FOXN2: variants seen among roughly 807,000 people sequenced by gnomAD.
The protein encoded by FOXN2 is forkhead box protein N2.
Under a neutral mutation model 41.2 loss-of-function variants are expected in FOXN2, and 19 were observed. That is an observed-to-expected ratio of 0.46 (90% CI 0.32 to 0.68). The LOEUF (loss-of-function observed/expected upper bound fraction) is 0.68. Ranked by LOEUF, FOXN2 falls within the 30% of genes least tolerant of loss-of-function variation. The pLI is 0.03. For missense variants in FOXN2, 587 were observed against 509.4 expected (o/e 1.15, Z -1.47); for synonymous variants, 195 against 176.8 (o/e 1.10, Z -0.82).
chr2:48,373,552 T>G (rs7587385), intron 6 of FOXN2, among the ~76,000 whole-genome samples, 192 bp downstream of exon 6: 50,306 of 151,706 alleles, frequency 0.33, 8,453 homozygotes, highest in East Asian at 0.46. Context: ...AGTTAATGCT[T>G]CGATTTTTCT....
intron 4 of FOXN2, among the ~76,000 whole-genome samples, chr2:48,361,098 G>A (rs972669794): frequency 2.0e-5 from 3 of 151,558 alleles, no homozygotes; most frequent in South Asian, 2.1e-4. Context: ...TTGATATATT[G>A]TATTTTCATG....
chr2:48,359,131 T>G lies in FOXN2; in HGVS notation c.622T>G (p.Ser208Ala). The G allele has an allele frequency of 6.2e-7, 1 of 1,613,238 alleles. No individual in the cohort carries two copies. The highest frequency in any genetic ancestry group is 8.5e-7 in the Non-Finnish European group (1 of 1,179,316). The change falls in exon 4 of 7, where the codon TCA becomes GCA. Residue 208 changes from serine to alanine, a missense_variant. By Grantham distance (99) the Ser-to-Ala change is moderately conservative. Coordinates refer to ENST00000340553, the MANE Select transcript of FOXN2 (RefSeq NM_002158.4). ...GGCACTGAAGAAGCAACCTTTTTCT[T>G]CAGCATCTTCACAAAAGTAAGGATC... ...IQALKKQPFSSASSQNGSLSP... is the reference protein window; with the variant it reads ...IQALKKQPFSAASSQNGSLSP...
At chr2:48,316,039 G>C (rs1279656913) in intron 1 of FOXN2, among the ~76,000 whole-genome samples, 2 of 152,092 alleles carry the variant, frequency 1.3e-5, no homozygotes. Context: ...GGCCGGCTGA[G>C]TGTAATAGAG....
At chr2:48,368,251 C>G (rs1168153303) in intron 5 of FOXN2, among the ~76,000 whole-genome samples, 1 of 145,820 alleles carries the variant, frequency 6.9e-6, no homozygotes, top group African/African-American at 2.5e-5. Flanking sequence ...GATAATACAG[C>G]TAATAGTGTT....
At chr2:48,316,086 A>G (rs906990235) in intron 1 of FOXN2, among the ~76,000 whole-genome samples, 2 of 151,808 alleles carry the variant, frequency 1.3e-5, no homozygotes, top group East Asian at 3.9e-4. Context: ...TTTCTCTGGT[A>G]GCCAGGGGCT....
At chr2:48,371,523 A>G (rs1429239823) in intron 5 of FOXN2, among the ~76,000 whole-genome samples, 2 of 151,974 alleles carry the variant, frequency 1.3e-5, no homozygotes, top group South Asian at 4.1e-4. Context: ...TTTGTAGTAT[A>G]TTTTGAGGTC....
At chr2:48,329,220 G>A (rs946166317) in intron 2 of FOXN2, among the ~76,000 whole-genome samples, 4 of 152,156 alleles carry the variant, frequency 2.6e-5, no homozygotes, top group African/African-American at 9.7e-5. Flanking sequence ...TGTAGAGGAA[G>A]TCTATACACT....
At chr2:48,339,795 T>A (rs1476499048) in intron 2 of FOXN2, among the ~76,000 whole-genome samples, 1 of 152,192 alleles carries the variant, frequency 6.6e-6, no homozygotes, top group Non-Finnish European at 1.5e-5. Context: ...AAGAGAAATT[T>A]CTGACACTTG....
rs1390723637 is a variant in FOXN2, at chr2:48,379,109, A to G, written c.*3666A>G. The G allele has an allele frequency of 6.6e-6, 1 of 152,646 alleles. No individual in the cohort carries two copies. The highest frequency in any genetic ancestry group is 1.5e-5 in the Non-Finnish European group (1 of 68,020). The allele number at this position is 152,646 out of a possible 1,614,324, so 9.5% of individuals were successfully genotyped here. On this transcript the variant is annotated 3_prime_UTR_variant, in exon 7 of 7. Transcript: ENST00000340553. ...CCCGGTTTGAGTTATAACTGCCAGT[A>G]GATGACCAGTCACAAGTGAACCACT...
At chr2:48,335,800 G>C (rs1670301794) in intron 2 of FOXN2, among the ~76,000 whole-genome samples, 1 of 151,958 alleles carries the variant, frequency 6.6e-6, no homozygotes, top group South Asian at 2.1e-4. Context: ...GGCTGAGGCA[G>C]GCGGATCATG....
chr2:48,351,734 A>G (rs1267453489), intron 3 of FOXN2, among the ~76,000 whole-genome samples: 2 of 152,094 alleles, frequency 1.3e-5, no homozygotes, highest in Non-Finnish European at 2.9e-5. Context: ...ATGCTTCTCA[A>G]CTTCCACTCT....
chr2:48,373,466 T>C (rs1334285741), intron 6 of FOXN2, 106 bp downstream of exon 6: 2 of 670,714 alleles, frequency 3.0e-6, no homozygotes, highest in Non-Finnish European at 5.2e-6. Context: ...TCCAACCAAA[T>C]TGTATTTTGA....
intron 1 of FOXN2, among the ~76,000 whole-genome samples, chr2:48,315,499 A>G (rs1274177433): frequency 6.6e-6 from 1 of 152,132 alleles, no homozygotes; most frequent in African/African-American, 2.4e-5. Context: ...CAGCGCTGCA[A>G]TATGGACACT....
At chr2:48,372,650 G>T (rs1219066500) in intron 5 of FOXN2, among the ~76,000 whole-genome samples, 3 of 152,006 alleles carry the variant, frequency 2.0e-5, no homozygotes, top group Admixed American at 6.6e-5. Flanking sequence ...TGCTGATTTT[G>T]CCAGTCTTTT....
At chr2:48,356,111 AAGAC>A (rs1442275411) in intron 3 of FOXN2, among the ~76,000 whole-genome samples, 4 of 151,790 alleles carry the variant, frequency 2.6e-5, no homozygotes, top group Non-Finnish European at 5.9e-5. Context: ...ATGACAGAGC[AAGAC>A]TCTGTCTCCA....
At chr2:48,374,261 AGAG>A (rs1673091913) in intron 6 of FOXN2, among the ~76,000 whole-genome samples, 1 of 152,282 alleles carries the variant, frequency 6.6e-6, no homozygotes, top group Admixed American at 6.5e-5. Flanking sequence ...GGATCTTAGA[AGAG>A]GAAATATATG....
rs902569008 is a variant in FOXN2 at position 48,321,393 on chromosome 2, G to A, written c.-157+6579G>A. 6.6e-5 allele frequency among the ~76,000 whole-genome samples: 10 copies of A among 152,146 alleles called. No homozygotes were observed. In the East Asian group the frequency reaches 1.2e-3, roughly 18 times the overall value. On this transcript the variant is annotated intron_variant, in intron 1 of 6. Transcript: ENST00000340553. The stretch of plus-strand genomic sequence containing the variant: ...ACTAAAAATACAAAAAAAATTAGGC[G>A]GGCGTGGTGGCGAGTGCCTGTAGTC...
At chr2:48,372,622 T>A (rs1672977734) in intron 5 of FOXN2, among the ~76,000 whole-genome samples, 2 of 152,140 alleles carry the variant, frequency 1.3e-5, no homozygotes, top group Non-Finnish European at 2.9e-5. Flanking sequence ...AGAGCATAAC[T>A]TTATCTGTTG....
intron 2 of FOXN2, among the ~76,000 whole-genome samples, chr2:48,345,339 G>T (rs1013858932): frequency 1.3e-5 from 2 of 152,134 alleles, no homozygotes; most frequent in African/African-American, 4.8e-5. Context: ...GGTGGTGGGG[G>T]TAGGAGGAGG....
Sources: gnomAD v4.1 joint callset for allele counts (sites outside exome capture counted in the v4.1 genomes callset) on GRCh38, gnomAD v4.1.1 for gene constraint, MANE v1.5 for transcripts, NCBI Gene and HGNC (gene_info 2026-07-23, HGNC 2026-07-21) for gene names.